Variants in ZNF143 observed in about 807,000 individuals in gnomAD.
ZNF143 encodes the protein SPH-binding factor.
ZNF143 carries 49 observed loss-of-function variants against 74.1 expected under a neutral mutation model. The observed-to-expected ratio is 0.66, with a 90% CI of 0.53 to 0.84. The LOEUF (loss-of-function observed/expected upper bound fraction) is 0.84. ZNF143 is among the 40% of genes least tolerant of loss of function. The pLI is 0.00. For missense variants in ZNF143, 637 were observed against 793.4 expected (o/e 0.80, Z 2.37); for synonymous variants, 304 against 282.8 (o/e 1.07, Z -0.75).
chr11:9,512,733 T>TCAGG, intron 13 of ZNF143, 137 bp downstream of exon 13: 1 of 965,204 alleles, frequency 1.0e-6, no homozygotes, highest in South Asian at 1.6e-5. Context: ...TTCAGTAGTC[T>TCAGG]GCTTACAGAG....
rs1366347168 is a variant in ZNF143 at position 9,486,417 on chromosome 11, AT to A, written c.645+6872del. Among the ~76,000 whole-genome samples, 340 of 38,602 alleles carry A rather than the reference AT, an allele frequency of 8.8e-3. 11 individuals carry two copies. The highest frequency in any genetic ancestry group is 0.013 in the Non-Finnish European group (268 of 20,546). 25.3% of individuals were successfully genotyped at this position (38,602 alleles called of 152,430 possible). A position where few individuals can be genotyped will look rare whatever the true frequency, so the allele number is the denominator to read the frequency against. Reference sequence around the variant, plus strand: ...ATATAATATATTATATATATAATATATATTATATATATTATATATATAATAT... The same window carrying A: ...ATATAATATATTATATATATAATATAATTATATATATTATATATATAATAT... On this transcript the variant is annotated intron_variant, in intron 7 of 15. Transcript: ENST00000396602.
intron 5 of ZNF143, among the ~76,000 whole-genome samples, chr11:9,476,774 T>G (rs1426895707): frequency 2.3e-5 from 3 of 131,924 alleles, no homozygotes; most frequent in Non-Finnish European, 3.2e-5. Flanking sequence ...TTTTTTTTTT[T>G]TTTGAGACAG....
chr11:9,498,905 C>T (rs1848060785), intron 10 of ZNF143, among the ~76,000 whole-genome samples: 1 of 152,160 alleles, frequency 6.6e-6, no homozygotes, highest in Admixed American at 6.6e-5. Flanking sequence ...ATTGGCTTTA[C>T]TTTACAACAT....
chr11:9,467,869 T>A (rs1856340406), intron 1 of ZNF143, among the ~76,000 whole-genome samples: 1 of 149,770 alleles, frequency 6.7e-6, no homozygotes, highest in South Asian at 2.1e-4. Flanking sequence ...AAAAAAAAGT[T>A]GTCTGTCAGG....
chr11:9,479,944 A>C (rs1847171928), intron 7 of ZNF143, among the ~76,000 whole-genome samples: 1 of 152,128 alleles, frequency 6.6e-6, no homozygotes, highest in African/African-American at 2.4e-5. Context: ...TGTATTTTTA[A>C]ATTTCTTCTT....
intron 13 of ZNF143, among the ~76,000 whole-genome samples, chr11:9,514,180 A>G (rs935371436): frequency 6.6e-6 from 1 of 152,152 alleles, no homozygotes; most frequent in Non-Finnish European, 1.5e-5. Context: ...TTTCAGGCAT[A>G]AGCCACCATA....
At chr11:9,509,161 T>C (rs1848457946) in intron 12 of ZNF143, among the ~76,000 whole-genome samples, 1 of 152,070 alleles carries the variant, frequency 6.6e-6, no homozygotes, top group Admixed American at 6.6e-5. Context: ...ATGTTCCAAA[T>C]AGAGAGAATG....
At chr11:9,513,495 G>T (rs968684678) in intron 13 of ZNF143, among the ~76,000 whole-genome samples, 2 of 152,192 alleles carry the variant, frequency 1.3e-5, no homozygotes, top group African/African-American at 2.4e-5. Flanking sequence ...TCCTCTGGAG[G>T]TTGTTTTATA....
intron 5 of ZNF143, 34 bp downstream of exon 5, chr11:9,474,667 G>A: frequency 5.1e-6 from 8 of 1,583,312 alleles, no homozygotes; most frequent in Non-Finnish European, 6.9e-6. Flanking sequence ...ATAAAATAAG[G>A]GAGAAGTGGG....
intron 12 of ZNF143, among the ~76,000 whole-genome samples, chr11:9,509,605 C>A (rs1031139718): frequency 6.6e-6 from 1 of 152,164 alleles, no homozygotes; most frequent in Non-Finnish European, 1.5e-5. Flanking sequence ...GAGAAGACAT[C>A]TTTTTTCATT....
intron 7 of ZNF143, 111 bp from the exon 8 acceptor site, chr11:9,494,535 T>A: frequency 9.4e-7 from 1 of 1,068,014 alleles, no homozygotes; most frequent in Non-Finnish European, 1.3e-6. Context: ...GCTCTTGAAC[T>A]CCTGGGCTCA....
chr11:9,508,090 G>A lies in ZNF143; in HGVS notation c.1148-529G>A, dbSNP rs139570758. 3.7e-3 allele frequency among the ~76,000 whole-genome samples: 560 copies of A among 152,282 alleles called. 2 individuals are homozygous for A. Among genetic ancestry groups the A allele is most frequent in the Middle Eastern group, 0.01 (3 of 294 alleles). ...TATGTATTGCCTGCTTGCTATTAGT[G>A]AATACTCAGTAGCTTTTGATTGGAT... is the stretch of plus-strand genomic sequence containing the variant. On this transcript the variant is annotated intron_variant, in intron 11 of 15. Transcript: ENST00000396602.
chr11:9,497,116 G>T (rs765215400), intron 9 of ZNF143, among the ~76,000 whole-genome samples: 2 of 152,250 alleles, frequency 1.3e-5, no homozygotes, highest in African/African-American at 2.4e-5. Flanking sequence ...CTTGGGGTAT[G>T]AGAACAACTG....
intron 7 of ZNF143, among the ~76,000 whole-genome samples, chr11:9,492,466 C>A (rs1847818884): frequency 6.6e-6 from 1 of 151,952 alleles, no homozygotes; most frequent in Non-Finnish European, 1.5e-5. Flanking sequence ...TCAGGCTGGT[C>A]TTGAACTTGA....
chr11:9,491,300 G>C (rs1847765708), intron 7 of ZNF143, among the ~76,000 whole-genome samples: 1 of 151,188 alleles, frequency 6.6e-6, no homozygotes, highest in Admixed American at 6.6e-5. Flanking sequence ...CTTTGTCACT[G>C]TAATTTTTTC....
intron 11 of ZNF143, among the ~76,000 whole-genome samples, chr11:9,502,406 G>T (rs1353489455): frequency 6.7e-6 from 1 of 149,750 alleles, no homozygotes. Flanking sequence ...TCAGGATATC[G>T]AGACCATCCT....
intron 7 of ZNF143, among the ~76,000 whole-genome samples, 182 bp from the exon 8 acceptor site, chr11:9,494,464 C>T (rs1199540131): frequency 6.6e-6 from 1 of 152,038 alleles, no homozygotes; most frequent in Non-Finnish European, 1.5e-5. Flanking sequence ...CACCACTACA[C>T]CTGGCTAACT....
intron 6 of ZNF143, among the ~76,000 whole-genome samples, chr11:9,479,137 A>G (rs1413181245): frequency 2.6e-5 from 4 of 151,748 alleles, no homozygotes; most frequent in African/African-American, 9.7e-5. Context: ...GTTTTATTTC[A>G]CTTTTGTTAG....
intron 13 of ZNF143, among the ~76,000 whole-genome samples, chr11:9,513,586 T>A (rs1848626283): frequency 6.6e-6 from 1 of 152,160 alleles, no homozygotes. Context: ...CCCCAGTGAT[T>A]AGGCAATTTC....
Sources: allele counts gnomAD v4.1 joint callset (sites outside exome capture counted in the v4.1 genomes callset), GRCh38; gene constraint gnomAD v4.1.1; transcripts MANE v1.5; gene names NCBI Gene and HGNC (gene_info 2026-07-23, HGNC 2026-07-21).